The following SH3GL1 variants were observed in gnomAD, a reference collection of about 807,000 sequenced individuals.
The protein encoded by SH3GL1 is SH3 domain containing GRB2 like 1, endophilin A2, also known as endophilin-A2.
SH3GL1 carries 21 observed loss-of-function variants against 48.8 expected under a neutral mutation model. The observed-to-expected ratio is 0.43, with a 90% confidence interval of 0.30 to 0.62. The LOEUF is 0.62. Ranked by LOEUF, SH3GL1 falls within the 20% of genes least tolerant of loss-of-function variation. The pLI is 0.11. For missense variants in SH3GL1, 454 were observed against 503.0 expected (o/e 0.90, Z 0.93); for synonymous variants, 282 against 217.5 (o/e 1.30, Z -2.61).
intron 1 of SH3GL1, among the ~76,000 whole-genome samples, chr19:4,384,711 A>G (rs898602373): frequency 6.6e-6 from 1 of 152,196 alleles, no homozygotes; most frequent in African/African-American, 2.4e-5. Flanking sequence ...GAACGGATAG[A>G]CACACTGTGG....
At chr19:4,387,282 C>T (rs1350771658) in intron 1 of SH3GL1, among the ~76,000 whole-genome samples, 3 of 151,256 alleles carry the variant, frequency 2.0e-5, no homozygotes, top group East Asian at 4.0e-4. Context: ...TCCAGGTGGG[C>T]ACTACTATAG....
At chr19:4,387,086 G>A (rs1164182351) in intron 1 of SH3GL1, among the ~76,000 whole-genome samples, 7 of 151,912 alleles carry the variant, frequency 4.6e-5, no homozygotes, top group East Asian at 1.9e-4. Context: ...ACAGGTGCCC[G>A]CCACCACATC....
chr19:4,365,736 A>C, intron 3 of SH3GL1, 111 bp from the exon 4 acceptor site: 3 of 1,452,158 alleles, frequency 2.1e-6, no homozygotes, highest in Non-Finnish European at 2.9e-6. Flanking sequence ...GCCTGTGGAC[A>C]GCCTAGGCCA....
intron 6 of SH3GL1, 120 bp downstream of exon 6, chr19:4,363,600 C>T (rs781242432): frequency 1.5e-5 from 22 of 1,482,244 alleles, no homozygotes; most frequent in African/African-American, 2.8e-5. Context: ...CCCATACCCT[C>T]CACCTCCCCT....
chr19:4,375,219 C>T (rs1041927516), intron 1 of SH3GL1, among the ~76,000 whole-genome samples: 1 of 152,000 alleles, frequency 6.6e-6, no homozygotes, highest in African/African-American at 2.4e-5. Flanking sequence ...ACAGAGCCAG[C>T]CGGGCCCTCC....
In SH3GL1 at chr19:4,361,571, C is replaced by T. The variant is rs544532241; in HGVS notation, c.*29G>A. On this transcript the variant is annotated 3_prime_UTR_variant, in exon 10 of 10. Transcript: ENST00000269886. ...AGCAGGGGGTGCCGGCCAGTGTGGA[C>T]GGAGGGGCGGGGCGGGGACACGGGT... 4.7e-5 allele frequency: 72 copies of T among 1,539,816 alleles called. No individual in the cohort carries two copies. The highest frequency in any genetic ancestry group is 4.4e-5 in the Non-Finnish European group (50 of 1,133,058).
At chr19:4,383,020 G>GT (rs1973167116) in intron 1 of SH3GL1, among the ~76,000 whole-genome samples, 1 of 152,090 alleles carries the variant, frequency 6.6e-6, no homozygotes, top group African/African-American at 2.4e-5. Flanking sequence ...CCGGGTTCAA[G>GT]TGAGTCTCCA....
chr19:4,369,088 A>G (rs1972843245), intron 1 of SH3GL1, among the ~76,000 whole-genome samples: 1 of 150,520 alleles, frequency 6.6e-6, no homozygotes, highest in Non-Finnish European at 1.5e-5. Flanking sequence ...AAGAAGAAAG[A>G]AAAAAAAAAT....
chr19:4,368,063 G>A (rs1198560087), intron 1 of SH3GL1, among the ~76,000 whole-genome samples: 2 of 152,222 alleles, frequency 1.3e-5, no homozygotes, highest in South Asian at 2.1e-4. Flanking sequence ...TGAAGTCATC[G>A]GCAAATTTAA....
At position 4,360,610 on chromosome 19, in the gene SH3GL1, C is replaced by T. The variant is rs528390554; in HGVS notation, c.*990G>A. 3.7e-4 allele frequency: 86 copies of T among 232,880 alleles called. 1 individual carries two copies. In the South Asian group the frequency reaches 0.014, roughly 38 times the overall value. 14.4% of individuals were successfully genotyped at this position (232,880 alleles called of 1,614,324 possible). On this transcript the variant is annotated 3_prime_UTR_variant, in exon 10 of 10. Transcript: ENST00000269886. ...CCCATTTCATCGATTTTGCATTGGG[C>T]GATAGAGGAAGCAGATGTCGGGGCT...
chr19:4,361,904 C>T, intron 9 of SH3GL1, 108 bp from the exon 10 acceptor site: 2 of 790,598 alleles, frequency 2.5e-6, no homozygotes, highest in Non-Finnish European at 4.1e-6. Context: ...CATGGGCCTC[C>T]CCTCTGCCCT....
chr19:4,364,515 C>T (rs1405489670), intron 4 of SH3GL1: 4 of 398,004 alleles, frequency 1.0e-5, no homozygotes, highest in Admixed American at 3.9e-5. Flanking sequence ...ACTGCAACCT[C>T]TGCCTCCCAG....
intron 1 of SH3GL1, among the ~76,000 whole-genome samples, chr19:4,368,229 G>A (rs970889611): frequency 1.3e-5 from 2 of 152,268 alleles, no homozygotes; most frequent in African/African-American, 4.8e-5. Context: ...GTGGCCAAGG[G>A]ATGCCATGAG....
intron 1 of SH3GL1, among the ~76,000 whole-genome samples, chr19:4,395,043 G>T (rs936647085): frequency 6.6e-6 from 1 of 152,280 alleles, no homozygotes; most frequent in Non-Finnish European, 1.5e-5. Context: ...GAGCCCCGAT[G>T]CCTGTGGCTC....
chr19:4,363,573 G>A, intron 6 of SH3GL1, 100 bp from the exon 7 acceptor site: 3 of 1,449,456 alleles, frequency 2.1e-6, no homozygotes, highest in South Asian at 1.1e-5. Context: ...GGGCTGAGAG[G>A]GGACAGGGGA....
intron 1 of SH3GL1, among the ~76,000 whole-genome samples, chr19:4,377,420 C>G (rs1973031220): frequency 6.6e-6 from 1 of 152,258 alleles, no homozygotes; most frequent in Non-Finnish European, 1.5e-5. Flanking sequence ...CTCTGCCTAT[C>G]TGGCACACTT....
chr19:4,392,198 C>T (rs752508828), intron 1 of SH3GL1, among the ~76,000 whole-genome samples: 3 of 152,208 alleles, frequency 2.0e-5, no homozygotes, highest in Admixed American at 6.5e-5. Context: ...ACACTTTTAT[C>T]TGTGCCAAGG....
Position 4,378,746 on chromosome 19 carries a change from C to T in SH3GL1, c.46-11752G>A, listed in dbSNP as rs1973062302. On this transcript the variant is annotated intron_variant, in intron 1 of 9. Transcript: ENST00000269886. ...AAAAATAAAAAAAACAGAAACCATA[C>T]ACCACCCTACGATCCTAGGCTACTG... Among the ~76,000 whole-genome samples the T allele has an allele frequency of 2.6e-5, 4 of 152,064 alleles. No individual in the cohort carries two copies. The South Asian group carries it at 8.3e-4, about 32-fold the overall frequency.
Position 4,379,437 on chromosome 19 carries a change from A to AT in SH3GL1, c.46-12444_46-12443insA, listed in dbSNP as rs1444091704. Among the ~76,000 whole-genome samples the AT allele has an allele frequency of 1.2e-3, 179 of 152,084 alleles. 2 individuals carry two copies. The highest frequency in any genetic ancestry group is 4.2e-3 in the African/African-American group (174 of 41,438). ...CAAGATGCTGTCTCAAAAAAAAAAAAAAAATAAAGCAGCAAAGGACCAAGA... is the reference window on the plus strand; with the variant it reads ...CAAGATGCTGTCTCAAAAAAAAAAAATAAAATAAAGCAGCAAAGGACCAAGA... On this transcript the variant is annotated intron_variant, in intron 1 of 9. Coordinates refer to ENST00000269886, the MANE Select transcript of SH3GL1 (RefSeq NM_003025.4).
Sources: allele counts gnomAD v4.1 joint callset (sites outside exome capture counted in the v4.1 genomes callset), GRCh38; gene constraint gnomAD v4.1.1; transcripts MANE v1.5; gene names NCBI Gene and HGNC (gene_info 2026-07-23, HGNC 2026-07-21).